FSCN2: variants seen among roughly 807,000 people sequenced by gnomAD.
The protein encoded by FSCN2 is fascin-2.
Under a neutral mutation model 37.8 loss-of-function variants are expected in FSCN2, and 46 were observed. That is an observed-to-expected ratio of 1.22 (90% CI 0.96 to 1.56). FSCN2 has a LOEUF of 1.56. FSCN2 is among the 40% of genes most tolerant of loss of function. FSCN2 has a pLI of 0.00. For synonymous variants in FSCN2, 351 were observed against 309.4 expected (o/e 1.13, Z -1.41); for missense variants, 844 against 730.4 (o/e 1.16, Z -1.79).
At chr17:81,528,232 CTG>C (rs1349845372), upstream of FSCN2, among the ~76,000 whole-genome samples, 1 of 152,236 alleles carries the variant, frequency 6.6e-6, no homozygotes, top group Non-Finnish European at 1.5e-5. Context: ...GCTCTGGGCT[CTG>C]TGCAATCCGG....
chr17:81,536,896 A>T lies in FSCN2; in HGVS notation c.1295A>T (p.Tyr432Phe), dbSNP rs762760341. ...RIRGRDGGFW[Y>F]TGSHGSVCSD... ...CCAGGCCGCGACGGAGGGTTCTGGT[A>T]CACGGGCAGCCACGGCAGCGTGTGC... The change falls in exon 5 of 5, where the codon TAC becomes TTC. Residue 432 changes from tyrosine (Y) to phenylalanine (F), a missense_variant. Tyr to Phe is a conservative substitution (Grantham distance 22). Transcript: ENST00000417245. 6.3e-7 allele frequency: 1 copy of T among 1,578,470 alleles called. No individual in the cohort carries two copies. Among genetic ancestry groups the T allele is most frequent in the East Asian group, 2.4e-5 (1 of 42,286 alleles).
In FSCN2 at chr17:81,537,076, A is replaced by G; in HGVS notation, c.1475A>G (p.Tyr492Cys). The change falls in exon 5 of 5, where the codon TAC becomes TGC. Residue 492 changes from tyrosine to cysteine, a missense_variant. Tyr to Cys is a radical substitution (Grantham distance 194). Transcript: ENST00000417245. ...DAPAGTALWE[Y>C] is the part of the protein sequence containing the mutation. ...CCGGCCGGGACCGCGCTTTGGGAGT[A>G]CTGAGGCCGCGCCCAGACCAGCCTG... 4.8e-6 allele frequency: 7 copies of G among 1,444,410 alleles called. No homozygotes were observed. Among genetic ancestry groups the G allele is most frequent in the Non-Finnish European group, 6.3e-6 (7 of 1,105,364 alleles). The allele number at this position is 1,444,410 out of a possible 1,614,324, so 89.5% of individuals were successfully genotyped here. A position where few individuals can be genotyped will look rare whatever the true frequency, so the allele number is the denominator to read the frequency against.
chr17:81,529,536 G>C, intron 1 of FSCN2, 179 bp downstream of exon 1: 1 of 771,474 alleles, frequency 1.3e-6, no homozygotes, highest in Non-Finnish European at 2.3e-6. Context: ...GTGGGCCTCG[G>C]GCCATGCCCA....
upstream of FSCN2, among the ~76,000 whole-genome samples, chr17:81,525,432 A>AAAAAAAAAAAAAAAAAAACAAC (rs2032322856): frequency 6.8e-6 from 1 of 147,302 alleles, no homozygotes; most frequent in Non-Finnish European, 1.5e-5. Flanking sequence ...TCTCAAAAAA[A>AAAAAAAAAAAAAAAAAAACAAC]AAAAAAAAGG....
chr17:81,517,931 C>T, the FSCN2 span, among the ~76,000 whole-genome samples: 1 of 152,168 alleles, frequency 6.6e-6, no homozygotes, highest in Non-Finnish European at 1.5e-5. Context: ...AGCCAGAAAC[C>T]ACCGTCCCAG....
intron 3 of FSCN2, 148 bp from the exon 4 acceptor site, chr17:81,536,474 C>G: frequency 6.6e-7 from 1 of 1,521,406 alleles, no homozygotes. Flanking sequence ...CTGGGAACCC[C>G]CTAGGCGCCT....
the FSCN2 span, among the ~76,000 whole-genome samples, chr17:81,517,598 C>T: frequency 2.0e-5 from 3 of 152,176 alleles, no homozygotes; most frequent in East Asian, 3.9e-4. Flanking sequence ...CCCTCTGTTC[C>T]CAAGGGCATA....
At chr17:81,536,009 A>C in intron 2 of FSCN2, 137 bp from the exon 3 acceptor site, 7 of 1,022,918 alleles carry the variant, frequency 6.8e-6, no homozygotes, top group Non-Finnish European at 1.0e-5. Flanking sequence ...GGGGCAGGGT[A>C]GCGCCTGATG....
Position 81,528,556 on chromosome 17 carries a change from G to T in FSCN2, c.25G>T (p.Val9Leu), listed in dbSNP as rs562815989. Reference sequence around the variant, plus strand: ...GATGCCGACGAACGGCCTGCACCAGGTGCTGAAGATCCAGTTTGGCCTCGT... The same window carrying T: ...GATGCCGACGAACGGCCTGCACCAGTTGCTGAAGATCCAGTTTGGCCTCGT... The part of the protein sequence containing the change: MPTNGLHQ[V>L]LKIQFGLVND... Residue 9 changes from valine (V) to leucine (L), a missense_variant, in exon 1 of 5, where the codon GTG (valine) becomes TTG (leucine). Transcript: ENST00000417245. 2.5e-6 allele frequency: 4 copies of T among 1,604,330 alleles called. No individual in the cohort carries two copies. Among genetic ancestry groups the T allele is most frequent in the African/African-American group, 1.3e-5 (1 of 74,864 alleles).
upstream of FSCN2, among the ~76,000 whole-genome samples, chr17:81,526,308 G>A (rs1157289334): frequency 6.6e-6 from 1 of 152,218 alleles, no homozygotes. Flanking sequence ...TTCCCCCACC[G>A]CTCACGGACC....
the FSCN2 span, among the ~76,000 whole-genome samples, chr17:81,518,313 G>A: frequency 1.3e-5 from 2 of 149,752 alleles, no homozygotes; most frequent in African/African-American, 4.9e-5. Flanking sequence ...GGTTCTTGGG[G>A]CACAGCATCC....
intron 1 of FSCN2, among the ~76,000 whole-genome samples, chr17:81,533,932 A>G (rs1373835044): frequency 6.6e-6 from 1 of 151,964 alleles, no homozygotes; most frequent in East Asian, 1.9e-4. Flanking sequence ...CACACCTCTC[A>G]TGGGCCCCTC....
chr17:81,536,035 G>C, intron 2 of FSCN2, 111 bp from the exon 3 acceptor site: 1 of 1,363,156 alleles, frequency 7.3e-7, no homozygotes, highest in Non-Finnish European at 1.0e-6. Context: ...GGGTGTGTCA[G>C]TGGAGGGCAG....
Position 81,529,333 on chromosome 17 carries a change from C to T in FSCN2, c.802C>T (p.His268Tyr). Reference protein sequence around the residue: ...HPQVVLVAANHRYVSVRQGVN... With the variant: ...HPQVVLVAANYRYVSVRQGVN... ...ACAGGTGGTGCTGGTGGCTGCCAAC[C>T]ACCGCTACGTCTCTGTGCGGCAAGG... Residue 268 changes from histidine to tyrosine, a missense_variant, in exon 1 of 5, where the codon CAC (histidine) becomes TAC (tyrosine). His to Tyr is a moderately conservative substitution (Grantham distance 83). Coordinates refer to ENST00000417245, the MANE Select transcript of FSCN2 (RefSeq NM_012418.4). The T allele has an allele frequency of 6.4e-7, 1 of 1,553,010 alleles. No homozygotes were observed. The highest frequency in any genetic ancestry group is 8.7e-7 in the Non-Finnish European group (1 of 1,147,702).
intron 1 of FSCN2, among the ~76,000 whole-genome samples, chr17:81,532,434 ATGG>A (rs1161755129): frequency 3.2e-5 from 1 of 31,668 alleles, no homozygotes; most frequent in African/African-American, 1.7e-4. Flanking sequence ...GGTGATGATA[ATGG>A]TGATGATGAT....
At chr17:81,530,463 C>T (rs1324949674) in intron 1 of FSCN2, 7 of 383,554 alleles carry the variant, frequency 1.8e-5, no homozygotes, top group African/African-American at 4.4e-5. Context: ...AGCCCTGGCC[C>T]GGGCAGTCAC....
chr17:81,528,700 G>C lies in FSCN2; in HGVS notation c.169G>C (p.Ala57Pro). The C allele has an allele frequency of 6.2e-7, 1 of 1,600,498 alleles. No homozygotes were observed. The highest frequency in any genetic ancestry group is 8.5e-7 in the Non-Finnish European group (1 of 1,174,540). The change falls in exon 1 of 5, where the codon GCT becomes CCT. Residue 57 changes from alanine to proline, a missense_variant. Transcript: ENST00000417245. ...GGAACCCGACCCAGGACAAGGCACG[G>C]CTGTGCTGCTCCGCAGCAGCCACCT... ...VLEPDPGQGT[A>P]VLLRSSHLGR...
chr17:81,532,083 G>GTGATGGTGA (rs1394036124), intron 1 of FSCN2, among the ~76,000 whole-genome samples: 6 of 128,466 alleles, frequency 4.7e-5, no homozygotes, highest in Non-Finnish European at 9.9e-5. Context: ...GGTGGTGATG[G>GTGATGGTGA]TGATGGTGAT....
chr17:81,525,425 C>CAAAAAAAA (rs1202765459), upstream of FSCN2, among the ~76,000 whole-genome samples: 5 of 47,880 alleles, frequency 1.0e-4, no homozygotes, highest in Non-Finnish European at 2.1e-4. Flanking sequence ...GACTCTGTCT[C>CAAAAAAAA]AAAAAAAAAA....
Sources: allele counts gnomAD v4.1 joint callset (sites outside exome capture counted in the v4.1 genomes callset), GRCh38; gene constraint gnomAD v4.1.1; transcripts MANE v1.5; gene names NCBI Gene and HGNC (gene_info 2026-07-23, HGNC 2026-07-21).